Variants in KANK3 observed in about 807,000 individuals in gnomAD.
KANK3 encodes the protein KN motif and ankyrin repeat domain-containing protein 3.
Under a neutral mutation model 65.4 loss-of-function variants are expected in KANK3, and 61 were observed. That is an observed-to-expected ratio of 0.93 (90% CI 0.76 to 1.15). The LOEUF (loss-of-function observed/expected upper bound fraction) is 1.15. Ranked by LOEUF, KANK3 falls within the 50% of genes most tolerant of loss-of-function variation. The probability of loss-of-function intolerance (pLI) is 0.00; values close to 1 mark genes in which losing one functional copy is unlikely to be tolerated. For synonymous variants in KANK3, 586 were observed against 543.3 expected (o/e 1.08, Z -1.09); for missense variants, 1,187 against 1,178.8 (o/e 1.01, Z -0.10).
intron 1 of KANK3, among the ~76,000 whole-genome samples, chr19:8,340,291 T>TATATATATATATATATATATATAAATAC (rs1472181365): frequency 1.1e-5 from 1 of 92,870 alleles, no homozygotes; most frequent in African/African-American, 4.4e-5. Context: ...TATATATATA[T>TATATATATATATATATATATATAAATAC]ACACACACAC....
Position 8,324,405 on chromosome 19 carries a change from A to G in KANK3, c.2382+44T>C, listed in dbSNP as rs1337627427. 2.6e-6 allele frequency: 4 copies of G among 1,528,784 alleles called. No individual in the cohort carries two copies. In the South Asian group the frequency reaches 3.6e-5, roughly 14 times the overall value. The allele number at this position is 1,528,784 out of a possible 1,614,324, so 94.7% of individuals were successfully genotyped here. A position where few individuals can be genotyped will look rare whatever the true frequency, so the allele number is the denominator to read the frequency against. On this transcript the variant is annotated intron_variant, in intron 10 of 10. Coordinates refer to ENST00000330915, the MANE Select transcript of KANK3 (RefSeq NM_198471.3). ...CATATTTACTATCCTCTGCAAACTG[A>G]ATTTGCAGCTGGGAAAGTTTGTTTC...
At chr19:8,323,219 A>T in intron 10 of KANK3, 1 of 229,298 alleles carries the variant, frequency 4.4e-6, no homozygotes, top group Non-Finnish European at 8.5e-6. Context: ...TCTCCCAAAC[A>T]TCACAGCTTA....
At chr19:8,323,057 C>T (rs1970351609) in intron 10 of KANK3, 135 bp from the exon 11 acceptor site, 1 of 519,676 alleles carries the variant, frequency 1.9e-6, no homozygotes, top group Admixed American at 3.8e-5. Flanking sequence ...CAACCTCTGC[C>T]CCTTCTGACC....
At chr19:8,340,396 G>A (rs925090353) in intron 1 of KANK3, among the ~76,000 whole-genome samples, 2 of 151,846 alleles carry the variant, frequency 1.3e-5, no homozygotes, top group Admixed American at 6.6e-5. Context: ...CTGAGGCACA[G>A]AACAATTAAA....
chr19:8,322,968 G>T, intron 10 of KANK3, 46 bp from the exon 11 acceptor site: 3 of 1,118,242 alleles, frequency 2.7e-6, no homozygotes, highest in Non-Finnish European at 3.8e-6. Flanking sequence ...TCTCCTTGAG[G>T]CAGGAAACGT....
rs1395052716 is a variant in KANK3, at chr19:8,324,562, GGACA to G, written c.2284-19_2284-16del. The G allele has an allele frequency of 6.2e-7, 1 of 1,613,364 alleles. No individual in the cohort carries two copies. On this transcript the variant is annotated splice_polypyrimidine_tract_variant and intron_variant, in intron 9 of 10. Coordinates refer to ENST00000330915, the MANE Select transcript of KANK3 (RefSeq NM_198471.3). ...CTGGTGCCCTCCTGTGGAACGTTAG[GGACA>G]GTCAGATCCCTGAGCCAAGCCATGG... is the stretch of plus-strand genomic sequence containing the variant.
At position 8,334,703 on chromosome 19, in the gene KANK3, C is replaced by A. The variant is rs1244633672; in HGVS notation, c.1124G>T (p.Arg375Leu). The change falls in exon 3 of 11, where the codon CGG (arginine) becomes CTG (leucine). Residue 375 changes from arginine to leucine, a missense_variant. By Grantham distance (102) the Arg-to-Leu change is moderately radical. Coordinates refer to ENST00000330915, the MANE Select transcript of KANK3 (RefSeq NM_198471.3). ...GCGGGCTTCCTCCAGCTCCCGCAAC[C>A]GGCCCCGCAGAAGCTCACTCACCCC... Reference protein sequence around the residue: ...QRGVSELLRGRLRELEEAREA... With the variant: ...QRGVSELLRGLLRELEEAREA... 5.9e-6 allele frequency: 9 copies of A among 1,531,974 alleles called. No individual in the cohort carries two copies. The highest frequency in any genetic ancestry group is 7.0e-6 in the Non-Finnish European group (8 of 1,145,878). The allele number at this position is 1,531,974 out of a possible 1,614,324, so 94.9% of individuals were successfully genotyped here. A position where few individuals can be genotyped will look rare whatever the true frequency, so the allele number is the denominator to read the frequency against.
intron 7 of KANK3, among the ~76,000 whole-genome samples, chr19:8,325,873 C>T (rs1970418637): frequency 6.6e-6 from 1 of 151,632 alleles, no homozygotes; most frequent in East Asian, 2.0e-4. Context: ...GTCGCCCAGG[C>T]TGGAGTGCAG....
intron 7 of KANK3, among the ~76,000 whole-genome samples, chr19:8,328,378 C>T (rs1476932427): frequency 6.8e-6 from 1 of 146,772 alleles, no homozygotes; most frequent in Non-Finnish European, 1.5e-5. Context: ...TCTTCACTCA[C>T]CACCCCCACC....
rs1599648189 is a variant in KANK3 at position 8,333,792 on chromosome 19, G to A, written c.1651C>T (p.Arg551Cys). The A allele has an allele frequency of 2.6e-6, 4 of 1,527,580 alleles. No individual in the cohort carries two copies. Among genetic ancestry groups the A allele is most frequent in the Non-Finnish European group, 3.5e-6 (4 of 1,134,354 alleles). 94.6% of individuals were successfully genotyped at this position (1,527,580 alleles called of 1,614,324 possible). The change falls in exon 6 of 11, where the codon CGT becomes TGT. Residue 551 changes from arginine to cysteine, a missense_variant. This residue lies in a region of KANK3 where 1,078 missense variants were observed against 1,038.2 expected (regional missense o/e 1.04). Transcript: ENST00000330915. The surrounding 1 kb of genome is among the most constrained non-coding windows in gnomAD (Gnocchi z 5.0). ...AGCGCTACGCACGCCTCCCTCAGAC[G>A]CGGGCTCAGCTCGCACCTGCAGAGG... ...VAQGRCELSP[R>C]LREACVALQR...
chr19:8,341,767 A>T (rs1970725634), intron 1 of KANK3, among the ~76,000 whole-genome samples: 1 of 152,178 alleles, frequency 6.6e-6, no homozygotes, highest in Admixed American at 6.5e-5. Context: ...CTGGGATTAC[A>T]AGCATGAGCT....
At position 8,334,555 on chromosome 19, in the gene KANK3, C is replaced by G. The variant is rs1490003729; in HGVS notation, c.1272G>C (p.Leu424Phe). The G allele has an allele frequency of 6.2e-7, 1 of 1,600,520 alleles. No homozygotes were observed. The highest frequency in any genetic ancestry group is 1.7e-5 in the Admixed American group (1 of 59,720). ...TGGATCCGGGCGAGCTCTCCTGAGT[C>G]AAGGAGGGCGCCTCTGCCGGGGACT... Reference protein sequence around the residue: ...QTESPAEAPSLTQESSPGSMD... With the variant: ...QTESPAEAPSFTQESSPGSMD... Residue 424 changes from leucine to phenylalanine, a missense_variant, in exon 3 of 11, where the codon TTG (leucine) becomes TTC (phenylalanine). Leu to Phe is a conservative substitution (Grantham distance 22). Coordinates refer to ENST00000330915, the MANE Select transcript of KANK3 (RefSeq NM_198471.3).
Position 8,334,747 on chromosome 19 carries a change from G to A in KANK3, c.1080C>T (p.Ala360=), listed in dbSNP as rs759657477. The change falls in exon 3 of 11, where the codon GCC becomes GCT. Residue 360 remains alanine (A), a synonymous_variant. Transcript: ENST00000330915. ...TCACCCCGCGCTGGTGCTCCAGACT[G>A]GCGCGCAGCAGCTCTAGCTCGCGCT... The part of the protein sequence containing the change: ...AAERELELLR[A]SLEHQRGVSE... The A allele has an allele frequency of 1.3e-6, 2 of 1,526,570 alleles. No individual in the cohort carries two copies. Among genetic ancestry groups the A allele is most frequent in the South Asian group, 1.2e-5 (1 of 83,132 alleles). The allele number at this position is 1,526,570 out of a possible 1,614,324, so 94.6% of individuals were successfully genotyped here. A position where few individuals can be genotyped will look rare whatever the true frequency, so the allele number is the denominator to read the frequency against.
At position 8,340,299 on chromosome 19, in the gene KANK3, C is replaced by A. The variant is rs1173206353; in HGVS notation, c.-28-2443G>T. The stretch of plus-strand genomic sequence containing the variant: ...CCATATATATATATATATACACACA[C>A]ACACACACACACACACACACAGCCC... On this transcript the variant is annotated intron_variant, in intron 1 of 10. Transcript: ENST00000330915. Among the ~76,000 whole-genome samples the A allele has an allele frequency of 2.0e-4, 25 of 122,250 alleles. 1 individual carries two copies. The East Asian group carries it at 5.6e-3, about 27-fold the overall frequency. 80.2% of individuals were successfully genotyped at this position (122,250 alleles called of 152,430 possible). A position where few individuals can be genotyped will look rare whatever the true frequency, so the allele number is the denominator to read the frequency against.
rs982232011 is a variant in KANK3, at chr19:8,322,941, AGG to A, written c.2383-21_2383-20del. The A allele has an allele frequency of 1.5e-5, 21 of 1,372,292 alleles. No individual in the cohort carries two copies. The highest frequency in any genetic ancestry group is 2.0e-5 in the Non-Finnish European group (20 of 1,014,726). The allele number at this position is 1,372,292 out of a possible 1,614,324, so 85.0% of individuals were successfully genotyped here. On this transcript the variant is annotated intron_variant, in intron 10 of 10. Coordinates refer to ENST00000330915, the MANE Select transcript of KANK3 (RefSeq NM_198471.3). ...ACTCGCTCTGGAGAGAGGGGAAAAG[AGG>A]GGGGCCTGCTGCAATCTCCTTGAGG...
Position 8,335,731 on chromosome 19 carries a change from C to G in KANK3, c.96G>C (p.Ser32=). The G allele has an allele frequency of 1.6e-6, 2 of 1,246,520 alleles. No individual in the cohort carries two copies. Among genetic ancestry groups the G allele is most frequent in the Non-Finnish European group, 2.0e-6 (2 of 990,708 alleles). 77.2% of individuals were successfully genotyped at this position (1,246,520 alleles called of 1,614,324 possible). A position where few individuals can be genotyped will look rare whatever the true frequency, so the allele number is the denominator to read the frequency against. Reference sequence around the variant, plus strand: ...CGTAGGGCGTCTCCACCGAGTAGGGCGAGCTCGGGCTGCGTGCGCCCCCGG... The same window carrying G: ...CGTAGGGCGTCTCCACCGAGTAGGGGGAGCTCGGGCTGCGTGCGCCCCCGG... ...PAAGGARSPS[S]PYSVETPYGF... The change falls in exon 3 of 11, where the codon TCG becomes TCC. Residue 32 remains serine, a synonymous_variant. Coordinates refer to ENST00000330915, the MANE Select transcript of KANK3 (RefSeq NM_198471.3).
In KANK3 at chr19:8,334,431, G is replaced by A; in HGVS notation, c.1328-12C>T. ...GGATTTGAGGATGCCTGGCGGGGATGAGATGAGGGCACTGAGTTCGAGTCC... is the reference window on the plus strand; with the variant it reads ...GGATTTGAGGATGCCTGGCGGGGATAAGATGAGGGCACTGAGTTCGAGTCC... On this transcript the variant is annotated splice_polypyrimidine_tract_variant and intron_variant, in intron 3 of 10. Transcript: ENST00000330915. The A allele has an allele frequency of 1.2e-6, 2 of 1,613,394 alleles. No homozygotes were observed. The highest frequency in any genetic ancestry group is 2.2e-5 in the South Asian group (2 of 91,078).
chr19:8,337,260 G>C (rs1970657512), intron 2 of KANK3, among the ~76,000 whole-genome samples: 1 of 143,320 alleles, frequency 7.0e-6, no homozygotes, highest in Non-Finnish European at 1.5e-5. Flanking sequence ...CTGGAGTGCA[G>C]TGGCACAATC....
At chr19:8,325,199 T>C in intron 7 of KANK3, 103 bp from the exon 8 acceptor site, 1 of 1,302,570 alleles carries the variant, frequency 7.7e-7, no homozygotes, top group Non-Finnish European at 1.0e-6. Flanking sequence ...GCATATGGGG[T>C]GGTCTCAACG....
Sources: gnomAD v4.1 joint callset for allele counts (sites outside exome capture counted in the v4.1 genomes callset) on GRCh38, gnomAD v4.1.1 for gene constraint, gnomAD v4.1.1 regional missense constraint, Gnocchi (gnomAD v3.1) non-coding constraint, MANE v1.5 for transcripts, NCBI Gene and HGNC (gene_info 2026-07-23, HGNC 2026-07-21) for gene names.